Variants in GNG7 observed in about 807,000 individuals in gnomAD.
The protein encoded by GNG7 is guanine nucleotide-binding protein G(I)/G(S)/G(O) subunit gamma-7.
GNG7 carries 1 observed loss-of-function variant against 4.0 expected under a neutral mutation model. That is an observed-to-expected ratio of 0.25 (90% CI 0.09 to 1.18). GNG7 has a LOEUF of 1.18. Ranked by LOEUF, GNG7 falls within the 50% of genes most tolerant of loss-of-function variation. The probability of loss-of-function intolerance (pLI) is 0.50; values close to 1 mark genes in which losing one functional copy is unlikely to be tolerated. For missense variants in GNG7, 86 were observed against 91.9 expected, an observed-to-expected ratio of 0.94 and a Z score of 0.26; for synonymous variants, 34 against 36.9, an observed-to-expected ratio of 0.92 and a Z score of 0.29.
chr19:2,561,754 G>A (rs113399103), intron 2 of GNG7, among the ~76,000 whole-genome samples: 1 of 151,302 alleles, frequency 6.6e-6, no homozygotes, highest in African/African-American at 2.4e-5. Flanking sequence ...AGCGGCAGGC[G>A]CCTGTGATCC....
rs1983315090 is a variant in GNG7, at chr19:2,666,517, G to T, written c.-134-20237C>A. ...CATAGAGATAGGATCTTGCTATGTT[G>T]CCCAGACTGGCCTTGAACTCCTGGG... On this transcript the variant is annotated intron_variant, in intron 1 of 4. Coordinates refer to ENST00000382159, the MANE Select transcript of GNG7 (RefSeq NM_052847.3). Among the ~76,000 whole-genome samples, 3 of 151,952 alleles carry T rather than the reference G, an allele frequency of 2.0e-5. 1 individual carries two copies. The South Asian group carries it at 6.2e-4, about 32-fold the overall frequency.
At chr19:2,543,924 C>T (rs1248578797) in intron 3 of GNG7, among the ~76,000 whole-genome samples, 1 of 152,190 alleles carries the variant, frequency 6.6e-6, no homozygotes, top group East Asian at 1.9e-4. Flanking sequence ...ACTTCCAGAA[C>T]CAGTAGCTTT....
At chr19:2,524,826 T>G (rs8101230) in intron 3 of GNG7, among the ~76,000 whole-genome samples, 64,175 of 151,642 alleles carry the variant, frequency 0.42, 13,875 homozygotes, top group African/African-American at 0.54. Flanking sequence ...GCATGCGTGT[T>G]GGCGTGTGTG....
intron 1 of GNG7, among the ~76,000 whole-genome samples, chr19:2,657,349 AAAAAAAAAAAAAAT>A (rs1428336795): frequency 2.0e-4 from 4 of 19,668 alleles, no homozygotes; most frequent in Admixed American, 8.7e-4. Flanking sequence ...AAAAAAAAAA[AAAAAAAAAAAAAAT>A]ATATATATAT....
In GNG7 at chr19:2,634,379, G is replaced by A. The variant is rs1982250913; in HGVS notation, c.-78+11845C>T. Among the ~76,000 whole-genome samples, 1 of 152,132 alleles carries A rather than the reference G, an allele frequency of 6.6e-6. No individual in the cohort carries two copies. The highest frequency in any genetic ancestry group is 1.5e-5 in the Non-Finnish European group (1 of 68,016). ...ACAGATGTCCCAGAAATTGCTCAGTGTCCCCGGGGTTGGGGGTGGGGGGCG... is the reference window on the plus strand; with the variant it reads ...ACAGATGTCCCAGAAATTGCTCAGTATCCCCGGGGTTGGGGGTGGGGGGCG... On this transcript the variant is annotated intron_variant, in intron 2 of 4. Coordinates refer to ENST00000382159, the MANE Select transcript of GNG7 (RefSeq NM_052847.3). This position sits in a 1 kb window ranked among gnomAD's most constrained non-coding sequence, Gnocchi z 5.3.
chr19:2,570,963 A>G (rs1980126996), intron 2 of GNG7, among the ~76,000 whole-genome samples: 1 of 129,982 alleles, frequency 7.7e-6, no homozygotes, highest in Non-Finnish European at 1.5e-5. Context: ...ACGCCTGGCT[A>G]ATGTTTGTAT....
At position 2,511,513 on chromosome 19, in the gene GNG7, G is replaced by A. The variant is rs1397236123; in HGVS notation, c.*3509C>T. 6.6e-6 allele frequency: 1 copy of A among 152,372 alleles called. No homozygotes were observed. The highest frequency in any genetic ancestry group is 1.5e-5 in the Non-Finnish European group (1 of 68,190). The allele number at this position is 152,372 out of a possible 1,614,324, so 9.4% of individuals were successfully genotyped here. A position where few individuals can be genotyped will look rare whatever the true frequency, so the allele number is the denominator to read the frequency against. On this transcript the variant is annotated 3_prime_UTR_variant, in exon 5 of 5. Transcript: ENST00000382159. This position sits in a 1 kb window ranked among gnomAD's most constrained non-coding sequence, Gnocchi z 6.3. ...TTCTGTGCAGAGGGCCTGGCCTCAG[G>A]CCGTGGACTTTTTAATAAGTGACCC...
At chr19:2,568,978 C>G (rs1980058351) in intron 2 of GNG7, among the ~76,000 whole-genome samples, 1 of 147,424 alleles carries the variant, frequency 6.8e-6, no homozygotes, top group Non-Finnish European at 1.5e-5. Context: ...TGCACAAAAA[C>G]ATACACATAC....
At chr19:2,565,726 G>A (rs1979885289) in intron 2 of GNG7, among the ~76,000 whole-genome samples, 1 of 152,200 alleles carries the variant, frequency 6.6e-6, no homozygotes. Context: ...GGGCAGTTGA[G>A]ACTCCAGGTG....
intron 1 of GNG7, among the ~76,000 whole-genome samples, chr19:2,700,395 G>C (rs1913372991): frequency 6.6e-6 from 1 of 152,066 alleles, no homozygotes; most frequent in Non-Finnish European, 1.5e-5. Flanking sequence ...CACCCGCCTC[G>C]GCCTCCCAAA....
chr19:2,689,719 CAAATGCT>C (rs1273557295), intron 1 of GNG7, among the ~76,000 whole-genome samples: 2 of 148,262 alleles, frequency 1.3e-5, no homozygotes, highest in African/African-American at 5.0e-5. Context: ...AATGACATGA[CAAATGCT>C]AAAGTACAAA....
chr19:2,518,962 A>AT (rs1481283246), intron 4 of GNG7, among the ~76,000 whole-genome samples: 1 of 151,308 alleles, frequency 6.6e-6, no homozygotes, highest in Non-Finnish European at 1.5e-5. Context: ...CGCCTGGCTA[A>AT]TTTTTTTGTA....
At chr19:2,550,320 C>T (rs554642015) in intron 3 of GNG7, among the ~76,000 whole-genome samples, 3 of 152,274 alleles carry the variant, frequency 2.0e-5, no homozygotes, top group South Asian at 2.1e-4. Context: ...CGGGTTCAAG[C>T]GATTCTCCTG....
chr19:2,624,540 A>T (rs1437571863), intron 2 of GNG7, among the ~76,000 whole-genome samples: 2 of 151,706 alleles, frequency 1.3e-5, no homozygotes, highest in Non-Finnish European at 2.9e-5. Context: ...AAAAAAAAAA[A>T]AAAAAAGAAA....
intron 2 of GNG7, among the ~76,000 whole-genome samples, chr19:2,624,655 C>T (rs921112004): frequency 4.6e-5 from 7 of 152,184 alleles, no homozygotes; most frequent in African/African-American, 1.7e-4. Context: ...GGCCTCTCGT[C>T]TCCGGAGCAG....
At chr19:2,587,698 G>A (rs1980717293) in intron 2 of GNG7, among the ~76,000 whole-genome samples, 1 of 152,110 alleles carries the variant, frequency 6.6e-6, no homozygotes, top group Non-Finnish European at 1.5e-5. Flanking sequence ...AGCATGGAAG[G>A]GAGGGGGACG....
intron 4 of GNG7, among the ~76,000 whole-genome samples, chr19:2,519,897 G>A (rs553668623): frequency 1.4e-4 from 22 of 152,216 alleles, no homozygotes; most frequent in South Asian, 2.1e-4. Flanking sequence ...AACTTCAAAC[G>A]GGCCAGGCAT....
At chr19:2,643,328 A>G (rs1302570941) in intron 2 of GNG7, 1 of 417,864 alleles carries the variant, frequency 2.4e-6, no homozygotes, top group African/African-American at 2.2e-5. Flanking sequence ...GACTCTGCAC[A>G]CCTTCCGGCC....
intron 3 of GNG7, among the ~76,000 whole-genome samples, chr19:2,540,049 C>T (rs534547959): frequency 2.3e-5 from 3 of 129,070 alleles, no homozygotes; most frequent in East Asian, 4.6e-4. Context: ...TCCCTCCCTC[C>T]CTCCCTTCCT....
Sources: allele counts gnomAD v4.1 joint callset (sites outside exome capture counted in the v4.1 genomes callset), GRCh38; gene constraint gnomAD v4.1.1; non-coding constraint Gnocchi (gnomAD v3.1); transcripts MANE v1.5; gene names NCBI Gene and HGNC (gene_info 2026-07-23, HGNC 2026-07-21).